H2AX: variants seen among roughly 807,000 people sequenced by gnomAD.
The protein encoded by H2AX is histone H2AX.
H2AX carries 2 observed loss-of-function variants against 8.0 expected under a neutral mutation model. The ratio of observed to expected loss-of-function variants is 0.25; its 90% CI spans 0.10 to 0.79. The LOEUF (loss-of-function observed/expected upper bound fraction) is 0.79, where lower values mean the gene tolerates loss of function less well. Among genes scored for constraint, H2AX ranks in the 30% least tolerant of loss-of-function variants. The pLI, the probability that H2AX is intolerant of heterozygous loss-of-function variation, is 0.69. For synonymous variants in H2AX, 110 were observed against 102.5 expected (o/e 1.07, Z -0.44); for missense variants, 105 against 201.0 (o/e 0.52, Z 2.89).
Position 119,094,983 on chromosome 11 carries a change from G to A in H2AX, c.412C>T (p.Gln138Ter). The part of the protein sequence containing the change: ...KAPSGGKKAT[Q>*]ASQEY ...CCCTCTTAGTACTCCTGGGAGGCCT[G>A]GGTGGCCTTCTTGCCGCCCGAGGGC... is the stretch of plus-strand genomic sequence containing the variant. Residue 138 changes from glutamine (Q) to a stop codon, truncating the protein, a stop_gained, in exon 1 of 1, where the codon CAG becomes TAG. Transcript: ENST00000530167. LOFTEE classifies it high-confidence loss of function. 1.2e-6 allele frequency: 2 copies of A among 1,612,316 alleles called. No homozygotes were observed. The highest frequency in any genetic ancestry group is 1.7e-6 in the Non-Finnish European group (2 of 1,179,258).
Position 119,094,817 on chromosome 11 carries a change from A to C in H2AX, c.*146T>G. 1 of 787,552 alleles carries C rather than the reference A, an allele frequency of 1.3e-6. No homozygotes were observed. 48.8% of individuals were successfully genotyped at this position (787,552 alleles called of 1,614,324 possible). ...CGAGGCCGGGCGGCGAAGGCGGGCG[A>C]GGGGAGGGGAGGGGAAGGGAGCCGC... On this transcript the variant is annotated 3_prime_UTR_variant, in exon 1 of 1. Coordinates refer to ENST00000530167, the MANE Select transcript of H2AX (RefSeq NM_002105.3).
In H2AX at chr11:119,094,768, C is replaced by T; in HGVS notation, c.*195G>A. 1 of 592,934 alleles carries T rather than the reference C, an allele frequency of 1.7e-6. No individual in the cohort carries two copies. The highest frequency in any genetic ancestry group is 2.8e-6 in the Non-Finnish European group (1 of 356,638). 36.7% of individuals were successfully genotyped at this position (592,934 alleles called of 1,614,324 possible). On this transcript the variant is annotated 3_prime_UTR_variant, in exon 1 of 1. Transcript: ENST00000530167. Reference sequence around the variant, plus strand: ...GGCCGACGCGGCAGGCGGTGCGGGACGGGAGCGGGGGCGGGCGGGGACTCG... The same window carrying T: ...GGCCGACGCGGCAGGCGGTGCGGGATGGGAGCGGGGGCGGGCGGGGACTCG...
rs906205438 is a variant in H2AX at position 119,095,434 on chromosome 11, C to G, written c.-40G>C. On this transcript the variant is annotated 5_prime_UTR_variant, in exon 1 of 1. Transcript: ENST00000530167. ...CCGGTGAAGCACGACGGCTCAAACA[C>G]TAGAACAGACGCCCGCCGCAGTGTA... The G allele has an allele frequency of 2.1e-6, 3 of 1,461,596 alleles. No homozygotes were observed. In the African/African-American group the frequency reaches 4.3e-5, roughly 21 times the overall value. The allele number at this position is 1,461,596 out of a possible 1,614,324, so 90.5% of individuals were successfully genotyped here.
chr11:119,094,902 CT>C lies in H2AX; in HGVS notation c.*60del. On this transcript the variant is annotated 3_prime_UTR_variant, in exon 1 of 1. Coordinates refer to ENST00000530167, the MANE Select transcript of H2AX (RefSeq NM_002105.3). ...TCTTTCCATGAGGGCGGTGGTGGCC[CT>C]TAAAAGGGCCTTTGTGGTGGCATGG... The C allele has an allele frequency of 1.3e-6, 2 of 1,496,138 alleles. No individual in the cohort carries two copies. Among genetic ancestry groups the C allele is most frequent in the African/African-American group, 1.4e-5 (1 of 71,168 alleles). The allele number at this position is 1,496,138 out of a possible 1,614,324, so 92.7% of individuals were successfully genotyped here. A position where few individuals can be genotyped will look rare whatever the true frequency, so the allele number is the denominator to read the frequency against.
At position 119,095,317 on chromosome 11, in the gene H2AX, G is replaced by A. The variant is rs1946372210; in HGVS notation, c.78C>T (p.Phe26=). Residue 26 remains phenylalanine, a synonymous_variant, in exon 1 of 1, where the codon TTC becomes TTT. Coordinates refer to ENST00000530167, the MANE Select transcript of H2AX (RefSeq NM_002105.3). The stretch of plus-strand genomic sequence containing the variant: ...GCAGCCGGTGTACACGGCCCACTGG[G>A]AACTGGAGGCCGGCGCGCGACGAGC... The part of the protein sequence containing the change: ...KSRSSRAGLQ[F]PVGRVHRLLR... The A allele has an allele frequency of 6.2e-7, 1 of 1,607,368 alleles. No homozygotes were observed. The highest frequency in any genetic ancestry group is 1.3e-5 in the African/African-American group (1 of 74,716).
Position 119,094,875 on chromosome 11 carries a change from G to C in H2AX, c.*88C>G, listed in dbSNP as rs926049408. Reference sequence around the variant, plus strand: ...TTGCCCCGCAGTCTGAAGCGGCTCAGCTCTTTCCATGAGGGCGGTGGTGGC... The same window carrying C: ...TTGCCCCGCAGTCTGAAGCGGCTCACCTCTTTCCATGAGGGCGGTGGTGGC... On this transcript the variant is annotated 3_prime_UTR_variant, in exon 1 of 1. Coordinates refer to ENST00000530167, the MANE Select transcript of H2AX (RefSeq NM_002105.3). 137 of 1,340,536 alleles carry C rather than the reference G, an allele frequency of 1.0e-4. No individual in the cohort carries two copies. The highest frequency in any genetic ancestry group is 1.3e-4 in the Non-Finnish European group (134 of 1,004,250). The allele number at this position is 1,340,536 out of a possible 1,614,324, so 83.0% of individuals were successfully genotyped here. A position where few individuals can be genotyped will look rare whatever the true frequency, so the allele number is the denominator to read the frequency against.
At position 119,094,365 on chromosome 11, in the gene H2AX, T is replaced by TC. The variant is rs1045992890; in HGVS notation, c.*597dup. On this transcript the variant is annotated 3_prime_UTR_variant, in exon 1 of 1. Transcript: ENST00000530167. Reference sequence around the variant, plus strand: ...CGATCGCGTCTCTCCCACCAAAGCCTCCCGGCCAGCGGCCGCGTCTGAAAG... The same window carrying TC: ...CGATCGCGTCTCTCCCACCAAAGCCTCCCCGGCCAGCGGCCGCGTCTGAAAG... 1.3e-5 allele frequency: 2 copies of TC among 152,030 alleles called. No individual in the cohort carries two copies. The highest frequency in any genetic ancestry group is 4.8e-5 in the African/African-American group (2 of 41,358). The allele number at this position is 152,030 out of a possible 1,614,324, so 9.4% of individuals were successfully genotyped here.
chr11:119,093,931 A>G lies in H2AX; in HGVS notation c.*1032T>C, dbSNP rs1946349044. ...GTCCATCTAAAACTCCCCAATGCCT[A>G]AGGTTCTAGTCGTGGAAGGGTTAGC... On this transcript the variant is annotated 3_prime_UTR_variant, in exon 1 of 1. Coordinates refer to ENST00000530167, the MANE Select transcript of H2AX (RefSeq NM_002105.3). The G allele has an allele frequency of 6.4e-6, 1 of 156,192 alleles. No homozygotes were observed. The highest frequency in any genetic ancestry group is 2.4e-5 in the African/African-American group (1 of 41,456). The allele number at this position is 156,192 out of a possible 1,614,324, so 9.7% of individuals were successfully genotyped here.
Position 119,095,429 on chromosome 11 carries a change from A to C in H2AX, c.-35T>G, listed in dbSNP as rs1200616608. The C allele has an allele frequency of 6.8e-7, 1 of 1,476,566 alleles. No homozygotes were observed. Among genetic ancestry groups the C allele is most frequent in the Non-Finnish European group, 8.9e-7 (1 of 1,121,988 alleles). The allele number at this position is 1,476,566 out of a possible 1,614,324, so 91.5% of individuals were successfully genotyped here. ...GTAGACCGGTGAAGCACGACGGCTCAAACACTAGAACAGACGCCCGCCGCA... is the reference window on the plus strand; with the variant it reads ...GTAGACCGGTGAAGCACGACGGCTCCAACACTAGAACAGACGCCCGCCGCA... On this transcript the variant is annotated 5_prime_UTR_variant, in exon 1 of 1. Transcript: ENST00000530167.
Position 119,095,432 on chromosome 11 carries a change from C to G in H2AX, c.-38G>C. 6.8e-7 allele frequency: 1 copy of G among 1,466,406 alleles called. No homozygotes were observed. Among genetic ancestry groups the G allele is most frequent in the East Asian group, 2.5e-5 (1 of 40,464 alleles). 90.8% of individuals were successfully genotyped at this position (1,466,406 alleles called of 1,614,324 possible). A position where few individuals can be genotyped will look rare whatever the true frequency, so the allele number is the denominator to read the frequency against. ...GACCGGTGAAGCACGACGGCTCAAA[C>G]ACTAGAACAGACGCCCGCCGCAGTG... On this transcript the variant is annotated 5_prime_UTR_variant, in exon 1 of 1. Transcript: ENST00000530167.
In H2AX at chr11:119,093,982, C is replaced by A. The variant is rs1458992508; in HGVS notation, c.*981G>T. 1 of 153,650 alleles carries A rather than the reference C, an allele frequency of 6.5e-6. No individual in the cohort carries two copies. The highest frequency in any genetic ancestry group is 2.4e-5 in the African/African-American group (1 of 41,440). The allele number at this position is 153,650 out of a possible 1,614,324, so 9.5% of individuals were successfully genotyped here. On this transcript the variant is annotated 3_prime_UTR_variant, in exon 1 of 1. Transcript: ENST00000530167. ...TGCAGAATTCCAGTTCAGAAGCCAA[C>A]GGAGGCTCAGTCCAGACAGGGATTA...
At position 119,094,869 on chromosome 11, in the gene H2AX, G is replaced by T; in HGVS notation, c.*94C>A. 1.0e-5 allele frequency: 13 copies of T among 1,293,010 alleles called. No homozygotes were observed. The South Asian group carries it at 1.7e-4, about 17-fold the overall frequency. The allele number at this position is 1,293,010 out of a possible 1,614,324, so 80.1% of individuals were successfully genotyped here. A position where few individuals can be genotyped will look rare whatever the true frequency, so the allele number is the denominator to read the frequency against. ...GCCCGCTTGCCCCGCAGTCTGAAGC[G>T]GCTCAGCTCTTTCCATGAGGGCGGT... On this transcript the variant is annotated 3_prime_UTR_variant, in exon 1 of 1. Transcript: ENST00000530167.
At position 119,095,220 on chromosome 11, in the gene H2AX, G is replaced by A; in HGVS notation, c.175C>T (p.Leu59Phe). ...PVYLAAVLEY[L>F]TAEILELAGN... Reference sequence around the variant, plus strand: ...GCCAGCTCCAGGATCTCAGCGGTGAGGTACTCCAGCACTGCCGCCAGGTAC... The same window carrying A: ...GCCAGCTCCAGGATCTCAGCGGTGAAGTACTCCAGCACTGCCGCCAGGTAC... Residue 59 changes from leucine to phenylalanine, a missense_variant, in exon 1 of 1, where the codon CTC becomes TTC. Leu to Phe is a conservative substitution (Grantham distance 22). Around this residue, in one of 3 missense-constraint regions of H2AX, gnomAD observed 55 missense variants for 144.4 expected, o/e 0.38. Coordinates refer to ENST00000530167, the MANE Select transcript of H2AX (RefSeq NM_002105.3). The A allele has an allele frequency of 6.2e-7, 1 of 1,613,970 alleles. No individual in the cohort carries two copies. The highest frequency in any genetic ancestry group is 1.3e-5 in the African/African-American group (1 of 75,044).
Position 119,095,189 on chromosome 11 carries a change from T to C in H2AX, c.206A>G (p.Asn69Ser). 2 of 1,613,962 alleles carry C rather than the reference T, an allele frequency of 1.2e-6. No homozygotes were observed. The highest frequency in any genetic ancestry group is 1.7e-6 in the Non-Finnish European group (2 of 1,179,868). Residue 69 changes from asparagine (N) to serine (S), a missense_variant, in exon 1 of 1, where the codon AAT (asparagine) becomes AGT (serine). This residue lies in a region of H2AX where 55 missense variants were observed against 144.4 expected (regional missense o/e 0.38). Coordinates refer to ENST00000530167, the MANE Select transcript of H2AX (RefSeq NM_002105.3). Reference sequence around the variant, plus strand: ...CGTCTTCTTGTTGTCGCGGGCCGCATTGCCCGCCAGCTCCAGGATCTCAGC... The same window carrying C: ...CGTCTTCTTGTTGTCGCGGGCCGCACTGCCCGCCAGCTCCAGGATCTCAGC... ...LTAEILELAG[N>S]AARDNKKTRI...
chr11:119,095,243 T>C lies in H2AX; in HGVS notation c.152A>G (p.Tyr51Cys). The change falls in exon 1 of 1, where the codon TAC becomes TGC. Residue 51 changes from tyrosine to cysteine, a missense_variant. By Grantham distance (194) the Tyr-to-Cys change is radical. Around this residue, in one of 3 missense-constraint regions of H2AX, gnomAD observed 55 missense variants for 144.4 expected, o/e 0.38. Transcript: ENST00000530167. ...AERVGAGAPV[Y>C]LAAVLEYLTA... ...GAGGTACTCCAGCACTGCCGCCAGG[T>C]ACACTGGCGCGCCGGCGCCAACGCG... The C allele has an allele frequency of 6.2e-7, 1 of 1,613,628 alleles. No homozygotes were observed. The highest frequency in any genetic ancestry group is 1.1e-5 in the South Asian group (1 of 91,058).
chr11:119,094,663 G>A lies in H2AX; in HGVS notation c.*300C>T, dbSNP rs896066480. The A allele has an allele frequency of 1.2e-5, 3 of 254,890 alleles. No homozygotes were observed. In the East Asian group the frequency reaches 2.2e-4, roughly 19 times the overall value. 15.8% of individuals were successfully genotyped at this position (254,890 alleles called of 1,614,324 possible). The stretch of plus-strand genomic sequence containing the variant: ...AGGCTCGGGTCTTCCGCGCCACGGA[G>A]GTCCCCGAAGAGCGCCCAAGCCGCA... On this transcript the variant is annotated 3_prime_UTR_variant, in exon 1 of 1. Transcript: ENST00000530167.
rs1946363920 is a variant in H2AX at position 119,094,884 on chromosome 11, A to G, written c.*79T>C. On this transcript the variant is annotated 3_prime_UTR_variant, in exon 1 of 1. Coordinates refer to ENST00000530167, the MANE Select transcript of H2AX (RefSeq NM_002105.3). ...AGTCTGAAGCGGCTCAGCTCTTTCCATGAGGGCGGTGGTGGCCCTTAAAAG... is the reference window on the plus strand; with the variant it reads ...AGTCTGAAGCGGCTCAGCTCTTTCCGTGAGGGCGGTGGTGGCCCTTAAAAG... 4 of 1,385,570 alleles carry G rather than the reference A, an allele frequency of 2.9e-6. No homozygotes were observed. The highest frequency in any genetic ancestry group is 1.5e-5 in the African/African-American group (1 of 68,616). The allele number at this position is 1,385,570 out of a possible 1,614,324, so 85.8% of individuals were successfully genotyped here. A position where few individuals can be genotyped will look rare whatever the true frequency, so the allele number is the denominator to read the frequency against.
Position 119,095,400 on chromosome 11 carries a change from C to G in H2AX, c.-6G>C, listed in dbSNP as rs1302616788. 2 of 1,536,456 alleles carry G rather than the reference C, an allele frequency of 1.3e-6. No individual in the cohort carries two copies. The highest frequency in any genetic ancestry group is 2.3e-5 in the East Asian group (1 of 43,476). ...GTCTTGCCGCGGCCCGACATGCTAG[C>G]GAGGTAGACCGGTGAAGCACGACGG... is the stretch of plus-strand genomic sequence containing the variant. On this transcript the variant is annotated 5_prime_UTR_variant, in exon 1 of 1. Transcript: ENST00000530167.
rs1426831081 is a variant in H2AX at position 119,095,103 on chromosome 11, G to A, written c.292C>T (p.Leu98=). ...CCCTGGGCGATCGTCACGCCGCCCA[G>A]CAGCTTGTTGAGCTCCTCGTCGTTG... ...IRNDEELNKL[L]GGVTIAQGGV... The change falls in exon 1 of 1, where the codon CTG becomes TTG. Residue 98 remains leucine (L), a synonymous_variant. Transcript: ENST00000530167. 2 of 1,614,018 alleles carry A rather than the reference G, an allele frequency of 1.2e-6. No individual in the cohort carries two copies. The highest frequency in any genetic ancestry group is 2.2e-5 in the East Asian group (1 of 44,868).
Sources: gnomAD v4.1 joint callset for allele counts on GRCh38, gnomAD v4.1.1 for gene constraint, gnomAD v4.1.1 regional missense constraint, MANE v1.5 for transcripts, NCBI Gene and HGNC (gene_info 2026-07-23, HGNC 2026-07-21) for gene names.